The following SEMA6D variants were observed in gnomAD, a reference collection of about 807,000 sequenced individuals.
The protein encoded by SEMA6D is semaphorin 6D, also known as semaphorin-6D.
Under a neutral mutation model 106.6 loss-of-function variants are expected in SEMA6D, and 35 were observed. The ratio of observed to expected loss-of-function variants is 0.33; its 90% CI spans 0.25 to 0.44. The LOEUF is 0.44. Ranked by LOEUF, SEMA6D falls within the 20% of genes least tolerant of loss-of-function variation. SEMA6D has a pLI of 1.00. For missense variants in SEMA6D, 1,185 were observed against 1,345.9 expected (o/e 0.88, Z 1.87); for synonymous variants, 499 against 487.7 (o/e 1.02, Z -0.31).
At chr15:47,710,281 C>T (rs1022059957) in intron 4 of SEMA6D, among the ~76,000 whole-genome samples, 1 of 152,122 alleles carries the variant, frequency 6.6e-6, no homozygotes, top group Admixed American at 6.6e-5. Flanking sequence ...ATGACAGTTA[C>T]TGAGGTTGAT....
At chr15:47,245,064 G>C (rs1235681150) in intron 1 of SEMA6D, among the ~76,000 whole-genome samples, 1 of 151,674 alleles carries the variant, frequency 6.6e-6, no homozygotes, top group Admixed American at 6.6e-5. Context: ...GTATTCCATG[G>C]TATATACTTA....
intron 4 of SEMA6D, among the ~76,000 whole-genome samples, chr15:47,660,979 G>A (rs1193291646): frequency 1.3e-5 from 2 of 152,116 alleles, no homozygotes; most frequent in Admixed American, 6.6e-5. Context: ...GGAGCAGGTC[G>A]GTTTTGAACC....
At position 47,459,193 on chromosome 15, in the gene SEMA6D, A is replaced by G. The variant is rs560258460; in HGVS notation, c.-158-11281A>G. 5.9e-5 allele frequency among the ~76,000 whole-genome samples: 9 copies of G among 152,208 alleles called. 1 individual carries two copies. The highest frequency in any genetic ancestry group is 8.8e-5 in the Non-Finnish European group (6 of 67,968). On this transcript the variant is annotated intron_variant, in intron 2 of 19. Coordinates refer to the SEMA6D transcript ENST00000558014. Reference sequence around the variant, plus strand: ...TGTAGGCTTGATGAATTGAGTGACCATGTTGGAGAAATCCATGTGGCAAGG... The same window carrying G: ...TGTAGGCTTGATGAATTGAGTGACCGTGTTGGAGAAATCCATGTGGCAAGG...
At chr15:47,343,272 A>AT (rs1016166275) in intron 1 of SEMA6D, among the ~76,000 whole-genome samples, 19 of 150,462 alleles carry the variant, frequency 1.3e-4, no homozygotes, top group African/African-American at 3.7e-4. Context: ...TATTATTATT[A>AT]TACTTTAAGT....
chr15:47,379,466 C>A (rs192718427), intron 1 of SEMA6D, among the ~76,000 whole-genome samples: 36 of 152,102 alleles, frequency 2.4e-4, no homozygotes, highest in Non-Finnish European at 4.0e-4. Context: ...TTAGGGAGAC[C>A]AACCAACCTC....
Position 47,657,719 on chromosome 15 carries a change from C to CTTTTTTTTTTTTTTTT in SEMA6D, c.-55+56848_-55+56863dup, listed in dbSNP as rs71118191. On this transcript the variant is annotated intron_variant, in intron 4 of 19. Transcript: ENST00000558014. ...CATTTAGTGACAGAGGGCTTCATTT[C>CTTTTTTTTTTTTTTTT]TTTTTTTTTTTTTTTTTTTTTTTTT... 1.6e-4 allele frequency among the ~76,000 whole-genome samples: 9 copies of CTTTTTTTTTTTTTTTT among 54,674 alleles called. 3 individuals carry two copies. The highest frequency in any genetic ancestry group is 2.6e-4 in the African/African-American group (3 of 11,746). The allele number at this position is 54,674 out of a possible 152,430, so 35.9% of individuals were successfully genotyped here.
At chr15:47,663,825 T>G (rs2077974834) in intron 4 of SEMA6D, among the ~76,000 whole-genome samples, 1 of 152,158 alleles carries the variant, frequency 6.6e-6, no homozygotes, top group African/African-American at 2.4e-5. Flanking sequence ...ATGTGGTAAT[T>G]AAATTCATCT....
At chr15:47,568,193 T>TAAA (rs61077223) in intron 3 of SEMA6D, among the ~76,000 whole-genome samples, 2,273 of 141,144 alleles carry the variant, frequency 0.016, 56 homozygotes, top group African/African-American at 0.054. Context: ...TTTTGCCATT[T>TAAA]AAAAAAAAAA....
intron 18 of SEMA6D, 117 bp downstream of exon 18, chr15:47,768,865 C>A: frequency 3.5e-6 from 3 of 865,368 alleles, no homozygotes; most frequent in Non-Finnish European, 5.2e-6. Flanking sequence ...GGTTGTACCT[C>A]CACCGCCCCT....
At chr15:47,370,315 A>G (rs556660554) in intron 1 of SEMA6D, among the ~76,000 whole-genome samples, 10 of 152,168 alleles carry the variant, frequency 6.6e-5, no homozygotes, top group African/African-American at 2.4e-4. Context: ...AGGAGTTGAA[A>G]ACCAGCCTGG....
chr15:47,463,401 G>A (rs960508144), intron 2 of SEMA6D, among the ~76,000 whole-genome samples: 1 of 152,150 alleles, frequency 6.6e-6, no homozygotes, highest in Non-Finnish European at 1.5e-5. Context: ...AATTCGTATA[G>A]CCCTGACTGC....
chr15:47,654,352 T>C lies in SEMA6D; in HGVS notation c.-55+53456T>C, dbSNP rs372670817. 6.6e-5 allele frequency among the ~76,000 whole-genome samples: 10 copies of C among 152,244 alleles called. No individual in the cohort carries two copies. The East Asian group carries it at 7.7e-4, about 12-fold the overall frequency. On this transcript the variant is annotated intron_variant, in intron 4 of 19. Transcript: ENST00000558014. ...ATCCTATTGTGACCAGAAGCCTTAGTGATAACATAAATAGTTGATTAGCAC... is the reference window on the plus strand; with the variant it reads ...ATCCTATTGTGACCAGAAGCCTTAGCGATAACATAAATAGTTGATTAGCAC...
Position 47,760,889 on chromosome 15 carries a change from A to G in SEMA6D, c.222-89A>G. ...AAATCCAGATGATCTCTAAAACACA[A>G]TAAAGGCAGATCTGTAAAAATAAAA... On this transcript the variant is annotated intron_variant, in intron 3 of 18. Transcript: ENST00000536845. The G allele has an allele frequency of 1.8e-5, 21 of 1,187,358 alleles. No individual in the cohort carries two copies. In the South Asian group the frequency reaches 2.7e-4, roughly 15 times the overall value. The allele number at this position is 1,187,358 out of a possible 1,614,324, so 73.6% of individuals were successfully genotyped here. A position where few individuals can be genotyped will look rare whatever the true frequency, so the allele number is the denominator to read the frequency against.
intron 1 of SEMA6D, among the ~76,000 whole-genome samples, chr15:47,348,712 CACACACCACA>C (rs1469686840): frequency 1.8e-4 from 16 of 86,504 alleles, no homozygotes; most frequent in African/African-American, 8.8e-4. Flanking sequence ...CACACACACA[CACACACCACA>C]CACACAGAGA....
At chr15:47,429,964 G>T (rs1184905565) in intron 2 of SEMA6D, among the ~76,000 whole-genome samples, 1 of 151,978 alleles carries the variant, frequency 6.6e-6, no homozygotes, top group African/African-American at 2.4e-5. Context: ...CTTATATGTT[G>T]GTTTGGAGTT....
chr15:47,327,017 A>G (rs2143916205), intron 1 of SEMA6D, among the ~76,000 whole-genome samples: 1 of 152,298 alleles, frequency 6.6e-6, no homozygotes, highest in African/African-American at 2.4e-5. Flanking sequence ...GTCAGCCCAG[A>G]GACAGGTGAG....
chr15:47,576,177 A>T (rs997558288), intron 3 of SEMA6D, among the ~76,000 whole-genome samples: 1 of 152,224 alleles, frequency 6.6e-6, no homozygotes, highest in Non-Finnish European at 1.5e-5. Context: ...TATAATGTTC[A>T]GAAACTATAT....
chr15:47,576,079 A>G (rs528983007), intron 3 of SEMA6D, among the ~76,000 whole-genome samples: 12 of 152,342 alleles, frequency 7.9e-5, no homozygotes, highest in Admixed American at 2.0e-4. Context: ...AAAGTTCCTG[A>G]CAGCATTACT....
At chr15:47,589,291 G>C (rs2076396692) in intron 3 of SEMA6D, among the ~76,000 whole-genome samples, 1 of 152,198 alleles carries the variant, frequency 6.6e-6, no homozygotes, top group Non-Finnish European at 1.5e-5. Context: ...CCTATGAGGT[G>C]CTATTTTTTC....
Sources: allele counts gnomAD v4.1 joint callset (sites outside exome capture counted in the v4.1 genomes callset), GRCh38; gene constraint gnomAD v4.1.1; transcripts MANE v1.5; gene names NCBI Gene and HGNC (gene_info 2026-07-23, HGNC 2026-07-21).